Variants in DOP1A observed in about 807,000 individuals in gnomAD.
The protein encoded by DOP1A is DOP1 leucine zipper like protein A, also known as protein DOP1A.
In DOP1A, 90 loss-of-function variants were observed where a neutral mutation model predicts 267.6. The ratio of observed to expected loss-of-function variants is 0.34; its 90% confidence interval spans 0.28 to 0.40. The LOEUF is 0.40. Ranked by LOEUF, DOP1A falls within the 10% of genes least tolerant of loss-of-function variation. The pLI, the probability that DOP1A is intolerant of heterozygous loss-of-function variation, is 1.00. For synonymous variants in DOP1A, 932 were observed against 999.1 expected (o/e 0.93, Z 1.27); for missense variants, 2,437 against 2,900.4 (o/e 0.84, Z 3.67).
chr6:83,151,925 G>T lies in DOP1A; in HGVS notation c.5947G>T (p.Gly1983Cys). The stretch of plus-strand genomic sequence containing the variant: ...AGTGGATGCAATTGGTGCAATTGCT[G>T]GTTCTTCTCTGGAACAGACAACATG... ...KIVDAIGAIAGSSLEQTTWLR... is the reference protein window; with the variant it reads ...KIVDAIGAIACSSLEQTTWLR... Residue 1983 changes from glycine to cysteine, a missense_variant, in exon 29 of 39, where the codon GGT becomes TGT. Gly to Cys is a radical substitution (Grantham distance 159). Around this residue, in one of 9 missense-constraint regions of DOP1A, gnomAD observed 216 missense variants for 283.3 expected, o/e 0.76. Coordinates refer to ENST00000349129, the MANE Select transcript of DOP1A (RefSeq NM_015018.4). 6.2e-7 allele frequency: 1 copy of T among 1,613,690 alleles called. No homozygotes were observed. Among genetic ancestry groups the T allele is most frequent in the Non-Finnish European group, 8.5e-7 (1 of 1,179,760 alleles).
In DOP1A at chr6:83,134,260, C is replaced by T; in HGVS notation, c.2843C>T (p.Ser948Phe). Reference protein sequence around the residue: ...HLTRDLHINKSSSFVRSFDRS... With the variant: ...HLTRDLHINKFSSFVRSFDRS... ...ACGAGAGATCTCCATATAAATAAAT[C>T]TTCATCTTTTGTACGTTCTTTTGAC... is the stretch of plus-strand genomic sequence containing the variant. The change falls in exon 19 of 39, where the codon TCT becomes TTT. Residue 948 changes from serine (S) to phenylalanine (F), a missense_variant. This residue lies in a region of DOP1A where 878 missense variants were observed against 992.9 expected (regional missense o/e 0.88). Coordinates refer to ENST00000349129, the MANE Select transcript of DOP1A (RefSeq NM_015018.4). The T allele has an allele frequency of 4.3e-6, 7 of 1,611,996 alleles. No homozygotes were observed. Among genetic ancestry groups the T allele is most frequent in the Non-Finnish European group, 5.9e-6 (7 of 1,178,942 alleles).
At chr6:83,130,863 C>T (rs1210153018) in intron 17 of DOP1A, among the ~76,000 whole-genome samples, 2 of 151,922 alleles carry the variant, frequency 1.3e-5, no homozygotes, top group South Asian at 2.1e-4. Flanking sequence ...CTCAGCCTCC[C>T]GAGTAGCTGG....
At chr6:83,121,770 A>G (rs552374112) in intron 10 of DOP1A, among the ~76,000 whole-genome samples, 160 bp from the exon 11 acceptor site, 2 of 151,832 alleles carry the variant, frequency 1.3e-5, no homozygotes, top group African/African-American at 2.4e-5. Flanking sequence ...AATATCTTAT[A>G]TTACCTTCTC....
intron 3 of DOP1A, among the ~76,000 whole-genome samples, chr6:83,097,424 G>A (rs1003529573): frequency 8.5e-5 from 13 of 152,190 alleles, no homozygotes; most frequent in African/African-American, 3.1e-4. Flanking sequence ...TTCTGTAATG[G>A]AGCATCAGAT....
At chr6:83,167,517 A>G (rs1014612799) in intron 38 of DOP1A, 23 of 1,015,448 alleles carry the variant, frequency 2.3e-5, no homozygotes, top group Admixed American at 5.6e-5. Flanking sequence ...TGGTTACAGT[A>G]GTGAGGGTTC....
chr6:83,165,648 C>A, intron 38 of DOP1A: 1 of 201,084 alleles, frequency 5.0e-6, no homozygotes, highest in East Asian at 1.4e-4. Flanking sequence ...GAAGCAATTT[C>A]CCTGCAAAAC....
At position 83,137,923 on chromosome 6, in the gene DOP1A, C is replaced by T. The variant is rs200438991; in HGVS notation, c.3881C>T (p.Pro1294Leu). 9.3e-6 allele frequency: 15 copies of T among 1,608,572 alleles called. No homozygotes were observed. The highest frequency in any genetic ancestry group is 1.2e-5 in the Non-Finnish European group (14 of 1,178,444). ...ATAGTTAAGGAGTCAGGTAAACAAC[C>T]AGGAGCAAAACCTAAAGTAAAACTT... ...ETIVKESGKQ[P>L]GAKPKVKLAR... Residue 1294 changes from proline to leucine, a missense_variant, in exon 21 of 39, where the codon CCA becomes CTA. Physicochemically the swap from Pro to Leu is moderately conservative, Grantham distance 98. Transcript: ENST00000349129.
chr6:83,108,872 T>C, intron 4 of DOP1A, 38 bp from the exon 5 acceptor site: 2 of 1,564,056 alleles, frequency 1.3e-6, no homozygotes, highest in Non-Finnish European at 1.7e-6. Context: ...TGTATAGTTA[T>C]TTTGCTTCCT....
chr6:83,104,268 A>C (rs778026058), intron 4 of DOP1A, among the ~76,000 whole-genome samples: 2 of 152,126 alleles, frequency 1.3e-5, no homozygotes, highest in African/African-American at 2.4e-5. Flanking sequence ...TAATAATTTC[A>C]TATCTTTTTT....
intron 4 of DOP1A, among the ~76,000 whole-genome samples, chr6:83,105,788 T>G (rs1200040577): frequency 1.3e-5 from 2 of 152,334 alleles, no homozygotes; most frequent in Non-Finnish European, 2.9e-5. Flanking sequence ...CATGTAATTA[T>G]CTAATAATTG....
In DOP1A at chr6:83,124,690, A is replaced by T. The variant is rs761106740; in HGVS notation, c.1341-15A>T. Reference sequence around the variant, plus strand: ...CTTGACAGTATACTTAATAAAGTGAATTTTGTCCTTTTAGGAGGACACTGC... The same window carrying T: ...CTTGACAGTATACTTAATAAAGTGATTTTTGTCCTTTTAGGAGGACACTGC... On this transcript the variant is annotated splice_polypyrimidine_tract_variant and intron_variant, in intron 12 of 38. Coordinates refer to ENST00000349129, the MANE Select transcript of DOP1A (RefSeq NM_015018.4). The T allele has an allele frequency of 1.3e-6, 2 of 1,587,182 alleles. No individual in the cohort carries two copies. Among genetic ancestry groups the T allele is most frequent in the Non-Finnish European group, 1.7e-6 (2 of 1,157,090 alleles).
At chr6:83,102,349 G>C (rs887564409) in intron 4 of DOP1A, among the ~76,000 whole-genome samples, 16 of 152,170 alleles carry the variant, frequency 1.1e-4, no homozygotes, top group Non-Finnish European at 1.9e-4. Context: ...AGAGATGGCA[G>C]GGTCAAACTA....
intron 38 of DOP1A, chr6:83,164,763 G>C: frequency 6.6e-7 from 1 of 1,519,226 alleles, no homozygotes; most frequent in Non-Finnish European, 8.9e-7. Flanking sequence ...AGCAAAAGTT[G>C]CCAAATATTG....
In DOP1A at chr6:83,119,784, G is replaced by C; in HGVS notation, c.917G>C (p.Ser306Thr). 5.0e-6 allele frequency: 8 copies of C among 1,612,924 alleles called. No homozygotes were observed. Among genetic ancestry groups the C allele is most frequent in the Non-Finnish European group, 6.8e-6 (8 of 1,179,172 alleles). Residue 306 changes from serine (S) to threonine (T), a missense_variant, in exon 9 of 39, where the codon AGC becomes ACC. Physicochemically the swap from Ser to Thr is moderately conservative, Grantham distance 58. This residue lies in a region of DOP1A where 498 missense variants were observed against 513.5 expected (regional missense o/e 0.97). Coordinates refer to ENST00000349129, the MANE Select transcript of DOP1A (RefSeq NM_015018.4). ...AACGGTGCTATCATAGGACCCAGAA[G>C]CACAAGACACAGTAATCCTGAAGAA... ...DNNGAIIGPRSTRHSNPEEHA... is the reference protein window; with the variant it reads ...DNNGAIIGPRTTRHSNPEEHA...
intron 38 of DOP1A, chr6:83,166,937 T>C (rs1583225417): frequency 1.0e-6 from 1 of 986,966 alleles, no homozygotes; most frequent in African/African-American, 1.7e-5. Flanking sequence ...TTGCTTATTT[T>C]CATTCTTTAG....
In DOP1A at chr6:83,130,229, C is replaced by A. The variant is rs779563951; in HGVS notation, c.2448C>A (p.Asp816Glu). 1.2e-6 allele frequency: 2 copies of A among 1,614,020 alleles called. No homozygotes were observed. Among genetic ancestry groups the A allele is most frequent in the Non-Finnish European group, 1.7e-6 (2 of 1,179,970 alleles). Residue 816 changes from aspartate to glutamate, a missense_variant, in exon 17 of 39, where the codon GAC becomes GAA. This residue lies in a region of DOP1A where 878 missense variants were observed against 992.9 expected (regional missense o/e 0.88). Transcript: ENST00000349129. ...GTGTTGCTATTTCACTAGTTATGGA[C>A]CTGGTGGGACTGACACAGTCTGTGG... is the stretch of plus-strand genomic sequence containing the variant. ...VQSVAISLVMDLVGLTQSVAM... is the reference protein window; with the variant it reads ...VQSVAISLVMELVGLTQSVAM...
At chr6:83,165,860 T>C in intron 38 of DOP1A, 1 of 351,248 alleles carries the variant, frequency 2.8e-6, no homozygotes, top group South Asian at 2.4e-5. Flanking sequence ...TTGGTGCATC[T>C]CATTGATTTG....
At chr6:83,090,463 T>C (rs1770143845) in intron 1 of DOP1A, among the ~76,000 whole-genome samples, 3 of 152,194 alleles carry the variant, frequency 2.0e-5, no homozygotes, top group African/African-American at 7.2e-5. Context: ...TTTGTGTTTA[T>C]TCTGGAGAAG....
intron 24 of DOP1A, among the ~76,000 whole-genome samples, chr6:83,144,556 A>G (rs1342324227): frequency 2.0e-5 from 3 of 152,210 alleles, no homozygotes; most frequent in Non-Finnish European, 4.4e-5. Context: ...TGCTAGTACA[A>G]TGCACATTGC....
Sources: gnomAD v4.1 joint callset for allele counts (sites outside exome capture counted in the v4.1 genomes callset) on GRCh38, gnomAD v4.1.1 for gene constraint, gnomAD v4.1.1 regional missense constraint, MANE v1.5 for transcripts, NCBI Gene and HGNC (gene_info 2026-07-23, HGNC 2026-07-21) for gene names.